RTN2: variants seen among roughly 807,000 people sequenced by gnomAD.
RTN2 encodes the protein reticulon 2, also known as reticulon-2.
In RTN2, 36 loss-of-function variants were observed where a neutral mutation model predicts 63.7. The ratio of observed to expected loss-of-function variants is 0.56; its 90% CI spans 0.43 to 0.75. The LOEUF (loss-of-function observed/expected upper bound fraction) is 0.75, where lower values mean the gene tolerates loss of function less well. RTN2 is among the 30% of genes least tolerant of loss of function. The probability of loss-of-function intolerance (pLI) is 0.00; values close to 1 mark genes in which losing one functional copy is unlikely to be tolerated. For missense variants in RTN2, 673 were observed against 705.1 expected, an observed-to-expected ratio of 0.95 and a Z score of 0.52; for synonymous variants, 312 against 313.0, an observed-to-expected ratio of 1.00 and a Z score of 0.03.
Position 45,485,779 on chromosome 19 carries a change from T to C in RTN2, c.1567A>G (p.Lys523Glu). ...LSHIKAKIRA[K>E]IPGTGALASA... is the part of the protein sequence containing the mutation. ...GCCAGGGCTCCGGTCCCTGGGATTT[T>C]AGCTCGGATCCTGAAGGAGAAACAG... The change falls in exon 11 of 11, where the codon AAA (lysine) becomes GAA (glutamate). Residue 523 changes from lysine (K) to glutamate (E), a missense_variant. Lys to Glu is a moderately conservative substitution (Grantham distance 56, BLOSUM62 1). Coordinates refer to ENST00000245923, the MANE Select transcript of RTN2 (RefSeq NM_005619.5). 1 of 1,613,624 alleles carries C rather than the reference T, an allele frequency of 6.2e-7. No homozygotes were observed. The highest frequency in any genetic ancestry group is 1.3e-5 in the African/African-American group (1 of 74,876).
Position 45,485,394 on chromosome 19 carries a change from C to T in RTN2, c.*314G>A. ...TGGGGCTAGTAGCATCCAGGAGACA[C>T]CAACGCCTCACGGCGCCTCCAGCGG... On this transcript the variant is annotated 3_prime_UTR_variant, in exon 11 of 11. Transcript: ENST00000245923. The T allele has an allele frequency of 2.5e-6, 1 of 397,850 alleles. No individual in the cohort carries two copies. Among genetic ancestry groups the T allele is most frequent in the Non-Finnish European group, 4.6e-6 (1 of 215,288 alleles). The allele number at this position is 397,850 out of a possible 1,614,324, so 24.6% of individuals were successfully genotyped here. A position where few individuals can be genotyped will look rare whatever the true frequency, so the allele number is the denominator to read the frequency against.
At position 45,485,496 on chromosome 19, in the gene RTN2, TC is replaced by T. The variant is rs1967998443; in HGVS notation, c.*211del. ...CAGGCCCCGCGGCCAAGGTGCCTCG[TC>T]TTTCCTGGACTCCTGGAGCAGAGCC... On this transcript the variant is annotated 3_prime_UTR_variant, in exon 11 of 11. Coordinates refer to ENST00000245923, the MANE Select transcript of RTN2 (RefSeq NM_005619.5). 2 of 571,568 alleles carry T rather than the reference TC, an allele frequency of 3.5e-6. No homozygotes were observed. The highest frequency in any genetic ancestry group is 6.0e-5 in the Admixed American group (2 of 33,116). 35.4% of individuals were successfully genotyped at this position (571,568 alleles called of 1,614,324 possible). A position where few individuals can be genotyped will look rare whatever the true frequency, so the allele number is the denominator to read the frequency against.
At chr19:45,488,279 C>T (rs1047550608) in intron 9 of RTN2, among the ~76,000 whole-genome samples, 192 bp downstream of exon 9, 7 of 152,168 alleles carry the variant, frequency 4.6e-5, no homozygotes, top group African/African-American at 1.7e-4. Flanking sequence ...AAAACAAAAA[C>T]AAACAAAAAG....
At position 45,485,429 on chromosome 19, in the gene RTN2, A is replaced by G; in HGVS notation, c.*279T>C. 1 of 443,170 alleles carries G rather than the reference A, an allele frequency of 2.3e-6. No individual in the cohort carries two copies. Among genetic ancestry groups the G allele is most frequent in the Non-Finnish European group, 4.1e-6 (1 of 243,926 alleles). 27.5% of individuals were successfully genotyped at this position (443,170 alleles called of 1,614,324 possible). The stretch of plus-strand genomic sequence containing the variant: ...ACGGCGCCTCCAGCGGCGGGTCCGG[A>G]AGTGCAGGGTGGTGCCCTGTCTAGG... On this transcript the variant is annotated 3_prime_UTR_variant, in exon 11 of 11. Coordinates refer to ENST00000245923, the MANE Select transcript of RTN2 (RefSeq NM_005619.5).
intron 6 of RTN2, 77 bp downstream of exon 6, chr19:45,489,269 T>G (rs1968097740): frequency 1.5e-6 from 2 of 1,351,966 alleles, no homozygotes; most frequent in African/African-American, 1.5e-5. Context: ...CGGGTGGGAG[T>G]CGGTGCCTGA....
At chr19:45,493,846 C>A in intron 4 of RTN2, 1 of 322,568 alleles carries the variant, frequency 3.1e-6, no homozygotes, top group Non-Finnish European at 5.8e-6. Context: ...CAGGTTCAAG[C>A]GATTCTCCTG....
At chr19:45,496,295 C>T (rs145674414) in intron 1 of RTN2, among the ~76,000 whole-genome samples, 2 of 152,360 alleles carry the variant, frequency 1.3e-5, no homozygotes, top group Non-Finnish European at 2.9e-5. Flanking sequence ...ACCCATGAGT[C>T]CTTGCCCCCA....
Position 45,489,571 on chromosome 19 carries a change from G to A in RTN2, c.1034-18C>T, listed in dbSNP as rs1051094419. The A allele has an allele frequency of 6.4e-7, 1 of 1,569,072 alleles. No individual in the cohort carries two copies. The highest frequency in any genetic ancestry group is 2.4e-5 in the East Asian group (1 of 42,090). On this transcript the variant is annotated intron_variant, in intron 5 of 10. Transcript: ENST00000245923. ...GTCCGCCACTGTGGAGGGGTGGGGG[G>A]CATCAGGGCTTGTACCTGACCTGGC...
In RTN2 at chr19:45,486,088, A is replaced by G; in HGVS notation, c.1523T>C (p.Leu508Ser). The G allele has an allele frequency of 6.2e-7, 1 of 1,614,116 alleles. No homozygotes were observed. Among genetic ancestry groups the G allele is most frequent in the East Asian group, 2.2e-5 (1 of 44,892 alleles). ...HQAQIDQYVG[L>S]VTNQLSHIKA... The stretch of plus-strand genomic sequence containing the variant: ...GATGTGGCTCAACTGATTGGTCACC[A>G]ACCCCACATATTGGTCGATCTGAGC... The change falls in exon 10 of 11, where the codon TTG becomes TCG. Residue 508 changes from leucine (L) to serine (S), a missense_variant. Physicochemically the swap from Leu to Ser is moderately radical, Grantham distance 145 (BLOSUM62 -2). Coordinates refer to ENST00000245923, the MANE Select transcript of RTN2 (RefSeq NM_005619.5).
At chr19:45,488,176 C>G (rs1968068912) in intron 9 of RTN2, among the ~76,000 whole-genome samples, 1 of 152,078 alleles carries the variant, frequency 6.6e-6, no homozygotes, top group Non-Finnish European at 1.5e-5. Context: ...TTGCTTGAGC[C>G]CAGGAAACGG....
In RTN2 at chr19:45,489,413, T is replaced by C. The variant is rs1194980192; in HGVS notation, c.1174A>G (p.Ile392Val). ...ACTTTGCGGTAAACCCTGAGAGAGA[T>C]GGTGCCGCAGAGCAGCAACAGAGCC... ...HLALLLLCGT[I>V]SLRVYRKVLQ... is the part of the protein sequence containing the mutation. Residue 392 changes from isoleucine to valine, a missense_variant, in exon 6 of 11, where the codon ATC (isoleucine) becomes GTC (valine). By Grantham distance (29) the Ile-to-Val change is conservative. Coordinates refer to ENST00000245923, the MANE Select transcript of RTN2 (RefSeq NM_005619.5). The C allele has an allele frequency of 5.0e-6, 8 of 1,605,222 alleles. No individual in the cohort carries two copies. The highest frequency in any genetic ancestry group is 6.8e-6 in the Non-Finnish European group (8 of 1,176,318).
Position 45,488,492 on chromosome 19 carries a change from G to C in RTN2, c.1476C>G (p.Pro492=), listed in dbSNP as rs748824542. 56 of 1,613,844 alleles carry C rather than the reference G, an allele frequency of 3.5e-5. No homozygotes were observed. Among genetic ancestry groups the C allele is most frequent in the Non-Finnish European group, 4.5e-5 (53 of 1,179,964 alleles). The change falls in exon 9 of 11, where the codon CCC becomes CCG. Residue 492 remains proline (P), a synonymous_variant. Transcript: ENST00000245923. ...ILGVIGLFTI[P]LLYRQHQAQI... is the part of the protein sequence containing the mutation. Reference sequence around the variant, plus strand: ...TCACCTGGTGCTGCCGGTACAGCAGGGGGATGGTGAATAGACCAATCACTC... The same window carrying C: ...TCACCTGGTGCTGCCGGTACAGCAGCGGGATGGTGAATAGACCAATCACTC...
chr19:45,490,003 A>T lies in RTN2; in HGVS notation c.1034-450T>A, dbSNP rs57987689. 3.0e-4 allele frequency among the ~76,000 whole-genome samples: 45 copies of T among 151,724 alleles called. 1 individual carries two copies. Among genetic ancestry groups the T allele is most frequent in the Admixed American group, 1.1e-3 (17 of 15,212 alleles). ...CACACAGCCCGATTTGCAATTTTTTAAAAATTATTTTATTTTATTTTTATT... is the reference window on the plus strand; with the variant it reads ...CACACAGCCCGATTTGCAATTTTTTTAAAATTATTTTATTTTATTTTTATT... On this transcript the variant is annotated intron_variant, in intron 5 of 10. Transcript: ENST00000245923.
chr19:45,489,182 C>A, intron 6 of RTN2, 164 bp downstream of exon 6: 1 of 867,686 alleles, frequency 1.2e-6, no homozygotes, highest in South Asian at 1.7e-5. Context: ...TGAAGGGTAC[C>A]AGGTTAGGAT....
chr19:45,486,724 T>C (rs1279602351), intron 9 of RTN2, among the ~76,000 whole-genome samples: 2 of 145,700 alleles, frequency 1.4e-5, no homozygotes, highest in South Asian at 2.2e-4. Context: ...TTTTTTTTCT[T>C]TTTCTTTCTT....
Position 45,494,944 on chromosome 19 carries a change from G to C in RTN2, c.141C>G (p.Asp47Glu). 2 of 1,613,836 alleles carry C rather than the reference G, an allele frequency of 1.2e-6. No homozygotes were observed. Among genetic ancestry groups the C allele is most frequent in the Non-Finnish European group, 8.5e-7 (1 of 1,179,980 alleles). ...AGTCCTGCGACGTGGTCTCCTCCTCGTCCTCCTCTGAGAATTCCCGGGCTG... is the reference window on the plus strand; with the variant it reads ...AGTCCTGCGACGTGGTCTCCTCCTCCTCCTCCTCTGAGAATTCCCGGGCTG... ...LHTAREFSEE[D>E]EEETTSQDWG... Residue 47 changes from aspartate (D) to glutamate (E), a missense_variant, in exon 3 of 11, where the codon GAC (aspartate) becomes GAG (glutamate). Transcript: ENST00000245923. This position sits in a 1 kb window ranked among gnomAD's most constrained non-coding sequence, Gnocchi z 5.3.
chr19:45,493,450 A>C, intron 4 of RTN2, 72 bp from the exon 5 acceptor site: 1 of 1,165,414 alleles, frequency 8.6e-7, no homozygotes, highest in Non-Finnish European at 1.3e-6. Flanking sequence ...GTCAGGAAAA[A>C]GAGGGTTTTT....
chr19:45,493,335 A>T lies in RTN2; in HGVS notation c.858T>A (p.Val286=), dbSNP rs376174832. 60 of 1,610,682 alleles carry T rather than the reference A, an allele frequency of 3.7e-5. No individual in the cohort carries two copies. The highest frequency in any genetic ancestry group is 2.0e-5 in the Non-Finnish European group (24 of 1,179,258). ...ATTCCAAAATTGGAACCGTCTTGTA[A>T]ACAGCCAAAAGCAATGATGTCTTTA... ...EWLKTSLLLA[V]YKTVPILELS... Residue 286 remains valine (V), a synonymous_variant, in exon 5 of 11, where the codon GTT becomes GTA. Transcript: ENST00000245923.
Position 45,485,364 on chromosome 19 carries a change from G to A in RTN2, c.*344C>T, listed in dbSNP as rs375889892. ...TCCCCTGGGCCCCATGCAAAGCCCC[G>A]GCGTTGGGGCTAGTAGCATCCAGGA... On this transcript the variant is annotated 3_prime_UTR_variant, in exon 11 of 11. Transcript: ENST00000245923. The A allele has an allele frequency of 7.4e-5, 21 of 284,148 alleles. No individual in the cohort carries two copies. Among genetic ancestry groups the A allele is most frequent in the East Asian group, 5.3e-4 (8 of 14,960 alleles). 17.6% of individuals were successfully genotyped at this position (284,148 alleles called of 1,614,324 possible). A position where few individuals can be genotyped will look rare whatever the true frequency, so the allele number is the denominator to read the frequency against.
Sources: allele counts gnomAD v4.1 joint callset (sites outside exome capture counted in the v4.1 genomes callset), GRCh38; gene constraint gnomAD v4.1.1; non-coding constraint Gnocchi (gnomAD v3.1); transcripts MANE v1.5; gene names NCBI Gene and HGNC (gene_info 2026-07-23, HGNC 2026-07-21).